The following ABCA3 variants were observed in gnomAD, a reference collection of about 807,000 sequenced individuals.
The protein encoded by ABCA3 is phospholipid-transporting ATPase ABCA3.
A neutral mutation model predicts 172.8 loss-of-function variants in ABCA3; 88 were observed. The ratio of observed to expected loss-of-function variants is 0.51; its 90% CI spans 0.43 to 0.61. The LOEUF (loss-of-function observed/expected upper bound fraction) is 0.61, where lower values mean the gene tolerates loss of function less well. ABCA3 is among the 20% of genes least tolerant of loss of function. The pLI is 0.00. For synonymous variants in ABCA3, 1,066 were observed against 983.8 expected, an observed-to-expected ratio of 1.08 and a Z score of -1.56; for missense variants, 2,164 against 2,301.0, an observed-to-expected ratio of 0.94 and a Z score of 1.22.
At chr16:2,291,642 A>G (rs945001269) in intron 19 of ABCA3, among the ~76,000 whole-genome samples, 2 of 152,134 alleles carry the variant, frequency 1.3e-5, no homozygotes, top group Non-Finnish European at 2.9e-5. Context: ...TTTCCCACGC[A>G]CACCAATGTT....
At position 2,284,963 on chromosome 16, in the gene ABCA3, C is replaced by T. The variant is rs202000806; in HGVS notation, c.3519G>A (p.Thr1173=). Reference sequence around the variant, plus strand: ...GGGTGTCAGCCATGTGGCCGTCCCGCGTGAAGGCACGCACGTCGAAGGCCT... The same window carrying T: ...GGGTGTCAGCCATGTGGCCGTCCCGTGTGAAGGCACGCACGTCGAAGGCCT... ...VFKAFDVRAF[T]RDGHMADTLL... is the part of the protein sequence containing the mutation. Residue 1173 remains threonine, a synonymous_variant, in exon 24 of 33, where the codon ACG becomes ACA. Coordinates refer to ENST00000301732, the MANE Select transcript of ABCA3 (RefSeq NM_001089.3). This position sits in a 1 kb window ranked among gnomAD's most constrained non-coding sequence, Gnocchi z 5.9. 4.3e-5 allele frequency: 70 copies of T among 1,613,700 alleles called. No homozygotes were observed. The East Asian group carries it at 1.1e-3, about 26-fold the overall frequency.
intron 18 of ABCA3, among the ~76,000 whole-genome samples, chr16:2,293,727 G>C (rs1478241975): frequency 6.6e-6 from 1 of 151,046 alleles, no homozygotes; most frequent in East Asian, 2.0e-4. Context: ...ATTTTTAGTA[G>C]AGATGGGGTT....
At chr16:2,331,536 T>C (rs2093743227) in intron 1 of ABCA3, among the ~76,000 whole-genome samples, 1 of 152,244 alleles carries the variant, frequency 6.6e-6, no homozygotes, top group Non-Finnish European at 1.5e-5. Flanking sequence ...ACCCAGCTTG[T>C]TGCCTGATAC....
rs146595339 is a variant in ABCA3, at chr16:2,334,670, C to G, written c.-538-4816G>C. 1.0e-3 allele frequency among the ~76,000 whole-genome samples: 158 copies of G among 151,884 alleles called. 1 individual carries two copies. The highest frequency in any genetic ancestry group is 3.4e-3 in the African/African-American group (141 of 41,382). On this transcript the variant is annotated intron_variant, in intron 1 of 32. Coordinates refer to ENST00000301732, the MANE Select transcript of ABCA3 (RefSeq NM_001089.3). ...AGCTGAGGAGTACAGATGCCCGCCA[C>G]CACACCCAGCTAATTTTTTGTATTT...
chr16:2,286,636 AG>A lies in ABCA3; in HGVS notation c.3278+57del. 1 of 1,604,184 alleles carries A rather than the reference AG, an allele frequency of 6.2e-7. No homozygotes were observed. Among genetic ancestry groups the A allele is most frequent in the Non-Finnish European group, 8.5e-7 (1 of 1,174,616 alleles). On this transcript the variant is annotated intron_variant, in intron 22 of 32. Transcript: ENST00000301732. The surrounding 1 kb of genome is among the most constrained non-coding windows in gnomAD (Gnocchi z 5.2). ...TATCTATGGGCCCGTGGCAGTGCCC[AG>A]GGCAGTCAGTCCTGGGGGCTCTGGC...
intron 32 of ABCA3, 38 bp from the exon 33 acceptor site, chr16:2,276,843 G>C (rs764867412): frequency 1.2e-6 from 2 of 1,612,502 alleles, no homozygotes; most frequent in Admixed American, 3.3e-5. Context: ...GGAGAGAACA[G>C]GGCCCAGGCT....
chr16:2,338,278 A>G (rs1031707365), intron 1 of ABCA3, among the ~76,000 whole-genome samples: 4 of 152,200 alleles, frequency 2.6e-5, no homozygotes, highest in Admixed American at 2.6e-4. Flanking sequence ...CTCCCAGGAC[A>G]GGGCCTGACA....
Position 2,288,187 on chromosome 16 carries a change from G to A in ABCA3, c.2843C>T (p.Ser948Leu), listed in dbSNP as rs561560107. The A allele has an allele frequency of 2.8e-5, 45 of 1,604,744 alleles. No individual in the cohort carries two copies. Among genetic ancestry groups the A allele is most frequent in the Admixed American group, 1.7e-4 (10 of 58,678 alleles). The change falls in exon 21 of 33, where the codon TCG becomes TTG. Residue 948 changes from serine to leucine, a missense_variant. Transcript: ENST00000301732. ...CAGCATGGGGTCGTCGAAGAGCTCC[G>A]AGGAGTAGTTGATGGCCAGGAGGGC... ...TLALLAINYS[S>L]ELFDDPMLRL...
At chr16:2,317,810 C>T (rs1208282968) in intron 8 of ABCA3, 46 bp from the exon 9 acceptor site, 1 of 1,574,510 alleles carries the variant, frequency 6.4e-7, no homozygotes, top group East Asian at 2.2e-5. Context: ...TCACTGCCCG[C>T]CATGATGGCA....
At chr16:2,304,201 C>G in intron 11 of ABCA3, 51 bp from the exon 12 acceptor site, 1 of 1,608,614 alleles carries the variant, frequency 6.2e-7, no homozygotes, top group Non-Finnish European at 8.5e-7. Flanking sequence ...CTGGGGGGCC[C>G]AGGGACCCGA....
rs1461103788 is a variant in ABCA3, at chr16:2,277,898, G to A, written c.4890C>T (p.Phe1630=). The A allele has an allele frequency of 6.2e-6, 10 of 1,609,672 alleles. No homozygotes were observed. Among genetic ancestry groups the A allele is most frequent in the East Asian group, 4.5e-5 (2 of 44,888 alleles). The change falls in exon 31 of 33, where the codon TTC becomes TTT. Residue 1630 remains phenylalanine, a synonymous_variant. Coordinates refer to ENST00000301732, the MANE Select transcript of ABCA3 (RefSeq NM_001089.3). The surrounding 1 kb of genome is among the most constrained non-coding windows in gnomAD (Gnocchi z 5.3). ...ACACACCTGGAAAGGTCAGGTCCAC[G>A]AAGGCCTTGAACTCCTCCAGCGCCT... ...QQEALEEFKA[F]VDLTFPGSVL... is the part of the protein sequence containing the mutation.
chr16:2,332,619 G>T (rs2093745137), intron 1 of ABCA3: 4 of 1,589,134 alleles, frequency 2.5e-6, no homozygotes. Flanking sequence ...ACTGTAGCGT[G>T]GGCGGCTCAA....
intron 12 of ABCA3, among the ~76,000 whole-genome samples, chr16:2,303,362 T>C (rs1323859445): frequency 6.7e-6 from 1 of 150,268 alleles, no homozygotes; most frequent in African/African-American, 2.4e-5. Flanking sequence ...CCCAGGTTCA[T>C]GCCATTCTCC....
intron 12 of ABCA3, among the ~76,000 whole-genome samples, chr16:2,301,434 T>C (rs924626013): frequency 6.6e-6 from 1 of 151,562 alleles, no homozygotes; most frequent in African/African-American, 2.4e-5. Context: ...CGGCTGGAGG[T>C]GGTGGCTCAC....
At chr16:2,318,234 C>G (rs1436949937) in intron 8 of ABCA3, among the ~76,000 whole-genome samples, 1 of 152,168 alleles carries the variant, frequency 6.6e-6, no homozygotes, top group Non-Finnish European at 1.5e-5. Flanking sequence ...TCAACCTCCC[C>G]TACTCTGAAA....
At chr16:2,300,416 G>A (rs1018606892) in intron 12 of ABCA3, among the ~76,000 whole-genome samples, 2 of 152,032 alleles carry the variant, frequency 1.3e-5, no homozygotes, top group African/African-American at 4.8e-5. Context: ...CCGATACAGG[G>A]CAAAGGGAGT....
chr16:2,336,104 G>GA (rs1247396437), intron 1 of ABCA3, among the ~76,000 whole-genome samples: 15 of 152,180 alleles, frequency 9.9e-5, no homozygotes, highest in Non-Finnish European at 2.1e-4. Flanking sequence ...TTTTCAAAAA[G>GA]AATCTGTACC....
rs188876199 is a variant in ABCA3 at position 2,304,971 on chromosome 16, A to G, written c.1286-821T>C. On this transcript the variant is annotated intron_variant, in intron 11 of 32. Transcript: ENST00000301732. The stretch of plus-strand genomic sequence containing the variant: ...ATTACAGGCGTGAGCCACTGCAACC[A>G]GCCCTAATTTTTTTGTATTTTAGTA... 2.3e-3 allele frequency among the ~76,000 whole-genome samples: 350 copies of G among 151,336 alleles called. 1 individual carries two copies. The highest frequency in any genetic ancestry group is 8.0e-3 in the African/African-American group (328 of 41,154).
At chr16:2,288,409 G>A in intron 20 of ABCA3, 80 bp from the exon 21 acceptor site, 1 of 1,466,534 alleles carries the variant, frequency 6.8e-7, no homozygotes, top group East Asian at 2.5e-5. Flanking sequence ...GGCAGGTGCT[G>A]TTCTGTGTGA....
Sources: gnomAD v4.1 joint callset for allele counts (sites outside exome capture counted in the v4.1 genomes callset) on GRCh38, gnomAD v4.1.1 for gene constraint, Gnocchi (gnomAD v3.1) non-coding constraint, MANE v1.5 for transcripts, NCBI Gene and HGNC (gene_info 2026-07-23, HGNC 2026-07-21) for gene names.